Variants in FOXO3 observed in about 807,000 individuals in gnomAD.
FOXO3 encodes forkhead box protein O3.
Under a neutral mutation model 41.9 loss-of-function variants are expected in FOXO3, and 4 were observed. The observed-to-expected ratio is 0.10, with a 90% confidence interval of 0.05 to 0.22. FOXO3 has a LOEUF of 0.22. Among genes scored for constraint, FOXO3 ranks in the 10% least tolerant of loss-of-function variants. The pLI is 1.00. For missense variants in FOXO3, 534 were observed against 906.8 expected (o/e 0.59, Z 5.28); for synonymous variants, 318 against 389.3 (o/e 0.82, Z 2.16).
In FOXO3 at chr6:108,663,441, T is replaced by G. The variant is rs1778930395; in HGVS notation, c.622-14T>G. ...ATTCTGGTTCATACTCTGTATTTTC[T>G]TTTCTCCCTGCAGAACTCCATCCGG... On this transcript the variant is annotated splice_polypyrimidine_tract_variant and intron_variant, in intron 1 of 2. Coordinates refer to ENST00000406360, the MANE Select transcript of FOXO3 (RefSeq NM_001455.4). The G allele has an allele frequency of 1.9e-6, 3 of 1,589,156 alleles. No homozygotes were observed. Among genetic ancestry groups the G allele is most frequent in the Non-Finnish European group, 2.6e-6 (3 of 1,167,924 alleles).
chr6:108,670,980 G>T (rs887888718), intron 2 of FOXO3, among the ~76,000 whole-genome samples: 7 of 152,346 alleles, frequency 4.6e-5, no homozygotes, highest in Non-Finnish European at 7.3e-5. Flanking sequence ...TGGGTAAAAA[G>T]GGTCCCTCCC....
At chr6:108,609,051 C>T (rs947570368) in intron 1 of FOXO3, among the ~76,000 whole-genome samples, 4 of 152,208 alleles carry the variant, frequency 2.6e-5, no homozygotes, top group African/African-American at 7.2e-5. Flanking sequence ...TGGTTGGTTT[C>T]GCCTTAATCC....
intron 1 of FOXO3, among the ~76,000 whole-genome samples, chr6:108,649,508 C>T (rs1778489156): frequency 6.6e-6 from 1 of 150,952 alleles, no homozygotes; most frequent in Non-Finnish European, 1.5e-5. Context: ...TTCACCACCA[C>T]CCTCAGCTTT....
chr6:108,562,230 G>C (rs1234255121), intron 1 of FOXO3, among the ~76,000 whole-genome samples: 1 of 152,046 alleles, frequency 6.6e-6, no homozygotes, highest in East Asian at 1.9e-4. Flanking sequence ...GTGTGGGGGT[G>C]TTTGGGACGC....
At chr6:108,563,579 G>C (rs1056082651) in intron 1 of FOXO3, among the ~76,000 whole-genome samples, 1 of 152,242 alleles carries the variant, frequency 6.6e-6, no homozygotes, top group Admixed American at 6.5e-5. Flanking sequence ...ATGTTTTTCA[G>C]ATTTCTCTCA....
chr6:108,676,528 G>A (rs570417574), intron 2 of FOXO3, among the ~76,000 whole-genome samples: 4 of 152,260 alleles, frequency 2.6e-5, no homozygotes, highest in African/African-American at 4.8e-5. Context: ...GGCATGAGCC[G>A]CCATGCCTGG....
At chr6:108,671,320 C>T (rs912177223) in intron 2 of FOXO3, among the ~76,000 whole-genome samples, 1 of 152,238 alleles carries the variant, frequency 6.6e-6, no homozygotes, top group African/African-American at 2.4e-5. Context: ...CACGGTTGGA[C>T]ATGAGCCGCC....
At chr6:108,593,834 A>G (rs1394884065) in intron 1 of FOXO3, among the ~76,000 whole-genome samples, 1 of 144,170 alleles carries the variant, frequency 6.9e-6, no homozygotes, top group Non-Finnish European at 1.5e-5. Flanking sequence ...CTCCTGCCTC[A>G]GCCTCCCGAG....
chr6:108,570,533 T>G (rs991777736), intron 1 of FOXO3, among the ~76,000 whole-genome samples: 3 of 152,056 alleles, frequency 2.0e-5, no homozygotes, highest in Non-Finnish European at 4.4e-5. Flanking sequence ...CTCACTTTGT[T>G]GCCAGGTTGG....
intron 1 of FOXO3, among the ~76,000 whole-genome samples, chr6:108,658,634 CG>C (rs1778758177): frequency 6.6e-6 from 1 of 151,102 alleles, no homozygotes; most frequent in African/African-American, 2.4e-5. Context: ...CGTTGGCCAG[CG>C]TGGTCTCAAA....
chr6:108,630,247 A>C (rs139810007), intron 1 of FOXO3, among the ~76,000 whole-genome samples: 2 of 152,182 alleles, frequency 1.3e-5, no homozygotes, highest in African/African-American at 4.8e-5. Context: ...GGAGGGTACA[A>C]GGAAGGCAGA....
At chr6:108,646,317 A>G (rs932416551) in intron 1 of FOXO3, among the ~76,000 whole-genome samples, 2 of 152,218 alleles carry the variant, frequency 1.3e-5, no homozygotes, top group Non-Finnish European at 2.9e-5. Flanking sequence ...GTCTGGGCCC[A>G]GCTAAAAATT....
intron 1 of FOXO3, among the ~76,000 whole-genome samples, chr6:108,602,602 AT>A (rs1202634783): frequency 2.0e-5 from 3 of 151,954 alleles, no homozygotes; most frequent in Admixed American, 2.0e-4. Context: ...TGTCCCTCAT[AT>A]TTATCCAGAA....
intron 1 of FOXO3, among the ~76,000 whole-genome samples, chr6:108,568,277 AT>A (rs1776001690): frequency 1.4e-5 from 2 of 147,370 alleles, no homozygotes; most frequent in Admixed American, 1.4e-4. Flanking sequence ...ACTGCCTACC[AT>A]TGTGGTTTCA....
chr6:108,659,302 C>G (rs1247434915), intron 1 of FOXO3, among the ~76,000 whole-genome samples: 2 of 152,136 alleles, frequency 1.3e-5, no homozygotes, highest in African/African-American at 4.8e-5. Flanking sequence ...TATTCCTATT[C>G]TTTCTTAAAT....
chr6:108,650,995 G>A (rs1017990431), intron 1 of FOXO3, among the ~76,000 whole-genome samples: 1 of 152,086 alleles, frequency 6.6e-6, no homozygotes, highest in Admixed American at 6.5e-5. Flanking sequence ...AAAAAATCTT[G>A]CAAAACCACT....
chr6:108,580,929 T>C (rs1776401670), intron 1 of FOXO3, among the ~76,000 whole-genome samples: 1 of 152,174 alleles, frequency 6.6e-6, no homozygotes, highest in South Asian at 2.1e-4. Context: ...TTCTCCAGGC[T>C]CTAGAGCAGA....
At chr6:108,665,790 TA>T (rs1474825990) in intron 2 of FOXO3, among the ~76,000 whole-genome samples, 5 of 120,430 alleles carry the variant, frequency 4.2e-5, no homozygotes, top group African/African-American at 1.5e-4. Context: ...TCCTGGGTGG[TA>T]AAGCAAGAAC....
At chr6:108,591,566 G>T (rs953086456) in intron 1 of FOXO3, among the ~76,000 whole-genome samples, 10 of 152,280 alleles carry the variant, frequency 6.6e-5, no homozygotes, top group African/African-American at 2.4e-4. Context: ...TCACTTTTCG[G>T]TCAGGCATTC....
Sources: gnomAD v4.1 joint callset for allele counts (sites outside exome capture counted in the v4.1 genomes callset) on GRCh38, gnomAD v4.1.1 for gene constraint, MANE v1.5 for transcripts, NCBI Gene and HGNC (gene_info 2026-07-23, HGNC 2026-07-21) for gene names.